The following DNMBP variants were observed in gnomAD, a reference collection of about 807,000 sequenced individuals.
The protein encoded by DNMBP is dynamin binding protein.
In DNMBP, 87 loss-of-function variants were observed where a neutral mutation model predicts 150.0. The observed-to-expected ratio is 0.58, with a 90% CI of 0.49 to 0.69. The LOEUF is 0.69. Ranked by LOEUF, DNMBP falls within the 30% of genes least tolerant of loss-of-function variation. The probability of loss-of-function intolerance (pLI) is 0.00; values close to 1 mark genes in which losing one functional copy is unlikely to be tolerated. For missense variants in DNMBP, 1,774 were observed against 1,949.0 expected (o/e 0.91, Z 1.69); for synonymous variants, 711 against 750.4 (o/e 0.95, Z 0.86).
At chr10:99,980,674 AG>A (rs1171194516) in intron 1 of DNMBP, among the ~76,000 whole-genome samples, 1 of 151,994 alleles carries the variant, frequency 6.6e-6, no homozygotes, top group East Asian at 1.9e-4. Flanking sequence ...GCGCAGTGGC[AG>A]GTGCCTATAG....
At chr10:99,924,369 G>A (rs1443949053) in intron 4 of DNMBP, among the ~76,000 whole-genome samples, 1 of 152,176 alleles carries the variant, frequency 6.6e-6, no homozygotes, top group African/African-American at 2.4e-5. Context: ...CATGGACCCA[G>A]GAAGCAGAGC....
At chr10:99,892,809 C>T (rs963904762) in intron 11 of DNMBP, among the ~76,000 whole-genome samples, 1 of 151,964 alleles carries the variant, frequency 6.6e-6, no homozygotes, top group African/African-American at 2.4e-5. Context: ...AATGTTGGAA[C>T]AGCAAAGTCC....
chr10:99,924,525 C>T (rs1025901482), intron 4 of DNMBP, among the ~76,000 whole-genome samples: 3 of 152,234 alleles, frequency 2.0e-5, no homozygotes, highest in African/African-American at 4.8e-5. Flanking sequence ...ACTGTCTATG[C>T]TATACATACT....
At chr10:99,908,149 C>A (rs771772218) in intron 5 of DNMBP, 55 bp from the exon 6 acceptor site, 2 of 1,272,956 alleles carry the variant, frequency 1.6e-6, no homozygotes, top group Non-Finnish European at 2.3e-6. Flanking sequence ...AATGGCATTT[C>A]AATCATCTTA....
chr10:99,972,861 G>C (rs2040693063), intron 1 of DNMBP, among the ~76,000 whole-genome samples: 1 of 152,172 alleles, frequency 6.6e-6, no homozygotes, highest in Admixed American at 6.5e-5. Flanking sequence ...TGCCACCTCT[G>C]CCTCCTGGCT....
rs1015675938 is a variant in DNMBP at position 99,908,590 on chromosome 10, T to C, written c.2454+363A>G. 3.3e-5 allele frequency among the ~76,000 whole-genome samples: 5 copies of C among 152,198 alleles called. No homozygotes were observed. In the East Asian group the frequency reaches 9.6e-4, roughly 29 times the overall value. On this transcript the variant is annotated intron_variant, in intron 5 of 16. Transcript: ENST00000324109. ...AAGGGTTTCCTGGATAAACTCTATATGAACAGGTACTAGAGTCATGTAACT... is the reference window on the plus strand; with the variant it reads ...AAGGGTTTCCTGGATAAACTCTATACGAACAGGTACTAGAGTCATGTAACT...
chr10:100,000,783 C>T (rs1426821625), intron 1 of DNMBP, among the ~76,000 whole-genome samples: 1 of 147,800 alleles, frequency 6.8e-6, no homozygotes, highest in African/African-American at 2.5e-5. Context: ...ACAAAGATTC[C>T]TGCCCTTGAA....
intron 14 of DNMBP, among the ~76,000 whole-genome samples, chr10:99,885,379 G>A (rs769500685): frequency 1.3e-5 from 2 of 152,090 alleles, no homozygotes; most frequent in African/African-American, 4.8e-5. Flanking sequence ...GCGTAGTGGC[G>A]TGTGCCTGTA....
At chr10:100,008,921 T>C (rs1246534757) in intron 1 of DNMBP, among the ~76,000 whole-genome samples, 1 of 152,234 alleles carries the variant, frequency 6.6e-6, no homozygotes, top group East Asian at 1.9e-4. Context: ...AGAGCTAGAC[T>C]ATGCTCAAAC....
At chr10:99,878,059 C>T (rs2039304056) in intron 16 of DNMBP, among the ~76,000 whole-genome samples, 2 of 152,186 alleles carry the variant, frequency 1.3e-5, no homozygotes, top group South Asian at 4.1e-4. Flanking sequence ...GCAGAGGTTG[C>T]ACCACTGCAC....
intron 1 of DNMBP, among the ~76,000 whole-genome samples, chr10:99,991,373 G>C (rs1158223807): frequency 6.6e-6 from 1 of 151,662 alleles, no homozygotes; most frequent in Non-Finnish European, 1.5e-5. Context: ...CACCGCGGCC[G>C]GTCTGAGAAA....
intron 6 of DNMBP, 71 bp from the exon 7 acceptor site, chr10:99,900,137 C>A: frequency 3.2e-6 from 5 of 1,539,580 alleles, no homozygotes; most frequent in Non-Finnish European, 4.5e-6. Context: ...GTAAGGTACA[C>A]AGCCAAACTT....
At chr10:99,991,411 AT>A (rs968642138) in intron 1 of DNMBP, among the ~76,000 whole-genome samples, 1 of 151,472 alleles carries the variant, frequency 6.6e-6, no homozygotes, top group African/African-American at 2.4e-5. Flanking sequence ...GTCACTTCCC[AT>A]TTCCCCACAA....
intron 4 of DNMBP, among the ~76,000 whole-genome samples, chr10:99,929,012 C>T (rs1254688110): frequency 6.6e-6 from 1 of 151,950 alleles, no homozygotes. Flanking sequence ...GGCATGGTGG[C>T]ATGTACCCAT....
intron 1 of DNMBP, among the ~76,000 whole-genome samples, chr10:99,979,751 T>C (rs1354461733): frequency 6.6e-6 from 1 of 152,242 alleles, no homozygotes; most frequent in Non-Finnish European, 1.5e-5. Context: ...TTTCTAAACT[T>C]GTCTGGCCAC....
chr10:99,926,746 A>T (rs1157477989), intron 4 of DNMBP, among the ~76,000 whole-genome samples: 2 of 152,106 alleles, frequency 1.3e-5, no homozygotes, highest in Non-Finnish European at 2.9e-5. Context: ...CAATCCTTCA[A>T]CTGTGCATGC....
intron 4 of DNMBP, among the ~76,000 whole-genome samples, chr10:99,924,549 G>T (rs1018747470): frequency 6.6e-6 from 1 of 152,226 alleles, no homozygotes; most frequent in African/African-American, 2.4e-5. Flanking sequence ...TTTGTATTTT[G>T]TCTCTTCAAC....
chr10:99,878,428 A>T (rs1471997128), intron 16 of DNMBP, among the ~76,000 whole-genome samples: 1 of 152,228 alleles, frequency 6.6e-6, no homozygotes, highest in Admixed American at 6.5e-5. Context: ...AATCTAAGAA[A>T]GGTCCTTCTT....
At chr10:99,881,371 C>A (rs1351427043) in intron 15 of DNMBP, among the ~76,000 whole-genome samples, 1 of 152,158 alleles carries the variant, frequency 6.6e-6, no homozygotes, top group South Asian at 2.1e-4. Flanking sequence ...AGAATATACA[C>A]GTAACGTGTA....
Sources: gnomAD v4.1 joint callset for allele counts (sites outside exome capture counted in the v4.1 genomes callset) on GRCh38, gnomAD v4.1.1 for gene constraint, MANE v1.5 for transcripts, NCBI Gene and HGNC (gene_info 2026-07-23, HGNC 2026-07-21) for gene names.